The following OPHN1 variants were observed in gnomAD, a reference collection of about 807,000 sequenced individuals.
OPHN1 encodes oligophrenin-1.
A neutral mutation model predicts 60.7 loss-of-function variants in OPHN1; 11 were observed. The observed-to-expected ratio is 0.18, with a 90% CI of 0.11 to 0.30. The LOEUF is 0.30. OPHN1 is among the 10% of genes least tolerant of loss of function. The probability of loss-of-function intolerance (pLI) is 1.00; values close to 1 mark genes in which losing one functional copy is unlikely to be tolerated. For missense variants in OPHN1, 449 were observed against 611.0 expected, an observed-to-expected ratio of 0.73 and a Z score of 2.80; for synonymous variants, 226 against 222.6, an observed-to-expected ratio of 1.02 and a Z score of -0.14.
chrX:68,094,745 T>C (rs2077031804), intron 19 of OPHN1, among the ~76,000 whole-genome samples: 1 of 111,337 alleles, frequency 9.0e-6, no homozygotes, highest in South Asian at 3.8e-4. Context: ...ATCTAGTCTG[T>C]CCCTCTCCAT....
At chrX:68,376,817 C>CT (rs1459223000) in intron 2 of OPHN1, among the ~76,000 whole-genome samples, 3 of 111,538 alleles carry the variant, frequency 2.7e-5, no homozygotes, top group Non-Finnish European at 5.6e-5. Context: ...CCTGGAAAGA[C>CT]TTAAAAGAAC....
intron 2 of OPHN1, among the ~76,000 whole-genome samples, chrX:68,308,181 C>T (rs1024810395): frequency 8.9e-6 from 1 of 112,435 alleles, no homozygotes; most frequent in African/African-American, 3.2e-5. Context: ...CTACTACTTA[C>T]CAGTTACTGT....
chrX:68,045,153 G>C lies in OPHN1; in HGVS notation c.*2019C>G, dbSNP rs1043020337. 1 of 111,254 alleles carries C rather than the reference G, an allele frequency of 9.0e-6. No individual in the cohort carries two copies. The highest frequency in any genetic ancestry group is 3.3e-5 in the African/African-American group (1 of 30,560). The allele number at this position is 111,254 out of a possible 1,213,427, so 9.2% of individuals were successfully genotyped here. A position where few individuals can be genotyped will look rare whatever the true frequency, so the allele number is the denominator to read the frequency against. Reference sequence around the variant, plus strand: ...AGACTACTATTGGGGGCAAGCAGCAGGTGAAATGATGGTCACTTGACTCTT... The same window carrying C: ...AGACTACTATTGGGGGCAAGCAGCACGTGAAATGATGGTCACTTGACTCTT... On this transcript the variant is annotated 3_prime_UTR_variant, in exon 25 of 25. Transcript: ENST00000355520.
chrX:68,428,138 T>C (rs776309883), intron 2 of OPHN1, among the ~76,000 whole-genome samples: 34 of 111,894 alleles, frequency 3.0e-4, no homozygotes, highest in African/African-American at 1.1e-3. Flanking sequence ...TGTCATGCAG[T>C]AGGATAAGCA....
At chrX:68,316,022 G>A (rs1358645025) in intron 2 of OPHN1, among the ~76,000 whole-genome samples, 2 of 110,500 alleles carry the variant, frequency 1.8e-5, no homozygotes, top group East Asian at 2.8e-4. Flanking sequence ...AAAAAAAACA[G>A]GAGTGGTTAT....
In OPHN1 at chrX:68,277,451, GT is replaced by G. The variant is rs1258443483; in HGVS notation, c.313-2643del. On this transcript the variant is annotated intron_variant, in intron 4 of 24. Transcript: ENST00000355520. ...TCAGCCACTAATATTAGAAAAAGTT[GT>G]TATGAAGCAATAGATAATTAGAAAG... 2.7e-5 allele frequency among the ~76,000 whole-genome samples: 3 copies of G among 112,120 alleles called. No individual in the cohort carries two copies. The Admixed American group carries it at 2.8e-4, about 11-fold the overall frequency.
At chrX:68,250,865 T>C (rs5965530) in intron 5 of OPHN1, among the ~76,000 whole-genome samples, 1 of 111,198 alleles carries the variant, frequency 9.0e-6, no homozygotes, top group South Asian at 3.8e-4. Flanking sequence ...CCACTGTGCT[T>C]CTTTCAGGAA....
rs2077338268 is a variant in OPHN1, at chrX:68,162,307, T to C, written c.1276+30612A>G. On this transcript the variant is annotated intron_variant, in intron 15 of 24. Transcript: ENST00000355520. ...AAATGTTCTGTTTTTTATGCTGAGT[T>C]CTTATAGACTCATTATATTATTGAT... Among the ~76,000 whole-genome samples, 3 of 110,664 alleles carry C rather than the reference T, an allele frequency of 2.7e-5. No individual in the cohort carries two copies. The Admixed American group carries it at 2.9e-4, about 11-fold the overall frequency.
intron 2 of OPHN1, among the ~76,000 whole-genome samples, chrX:68,416,605 T>C (rs1488314167): frequency 8.9e-6 from 1 of 111,880 alleles, no homozygotes; most frequent in Non-Finnish European, 1.9e-5. Flanking sequence ...TCTCTGATGA[T>C]GAACACTTTG....
At chrX:68,165,501 G>A (rs887417713) in intron 15 of OPHN1, among the ~76,000 whole-genome samples, 1 of 111,217 alleles carries the variant, frequency 9.0e-6, no homozygotes, top group Admixed American at 9.7e-5. Flanking sequence ...TACAGATTAA[G>A]TTTACCATCT....
intron 15 of OPHN1, among the ~76,000 whole-genome samples, chrX:68,183,639 TTTTAC>T (rs1161501402): frequency 9.1e-6 from 1 of 110,363 alleles, no homozygotes; most frequent in Non-Finnish European, 1.9e-5. Context: ...TTCAAAGTCC[TTTTAC>T]TTTGTCTTGT....
chrX:68,409,555 C>T (rs1343512309), intron 2 of OPHN1, among the ~76,000 whole-genome samples: 2 of 111,480 alleles, frequency 1.8e-5, no homozygotes, highest in African/African-American at 6.5e-5. Context: ...TGGAGATGAT[C>T]CAGAAAGAGG....
At chrX:68,353,420 A>G (rs1210605623) in intron 2 of OPHN1, among the ~76,000 whole-genome samples, 5 of 103,908 alleles carry the variant, frequency 4.8e-5, no homozygotes, top group Admixed American at 2.1e-4. Context: ...AAAAAAAAAA[A>G]AAAAAAAAAA....
In OPHN1 at chrX:68,300,398, T is replaced by A. The variant is rs745937883; in HGVS notation, c.155-1302A>T. Among the ~76,000 whole-genome samples, 30 of 112,804 alleles carry A rather than the reference T, an allele frequency of 2.7e-4. No homozygotes were observed. The South Asian group carries it at 0.01, about 39-fold the overall frequency. On this transcript the variant is annotated intron_variant, in intron 2 of 24. Transcript: ENST00000355520. Reference sequence around the variant, plus strand: ...TTAGCATTTTGTCTTTGTCTCATTTTCAGAAATACTTATTATCAGAATTTT... The same window carrying A: ...TTAGCATTTTGTCTTTGTCTCATTTACAGAAATACTTATTATCAGAATTTT...
chrX:68,200,602 C>T (rs2077531241), intron 11 of OPHN1, among the ~76,000 whole-genome samples: 2 of 111,870 alleles, frequency 1.8e-5, no homozygotes, highest in South Asian at 3.7e-4. Flanking sequence ...CCATTTTTAA[C>T]AAAGAAATGA....
chrX:68,276,134 G>A (rs1388785063), intron 4 of OPHN1, among the ~76,000 whole-genome samples: 1 of 111,691 alleles, frequency 9.0e-6, no homozygotes, highest in East Asian at 2.8e-4. Flanking sequence ...TTTGCTACAA[G>A]CCTAGACTTA....
intron 2 of OPHN1, among the ~76,000 whole-genome samples, chrX:68,317,930 A>G (rs2078217092): frequency 9.0e-6 from 1 of 111,240 alleles, no homozygotes; most frequent in African/African-American, 3.3e-5. Flanking sequence ...AACAAACAAA[A>G]AACTATACAT....
intron 5 of OPHN1, among the ~76,000 whole-genome samples, chrX:68,251,790 A>G (rs761771314): frequency 9.0e-6 from 1 of 111,429 alleles, no homozygotes; most frequent in Non-Finnish European, 1.9e-5. Flanking sequence ...ACTCTCCATC[A>G]GAGTATCTTT....
At position 68,364,464 on chromosome X, in the gene OPHN1, C is replaced by G. The variant is rs780979424; in HGVS notation, c.155-65368G>C. ...TTATTCCCAACAACTTTTCCAATTTCTACAGCCTTAACACCAACTCTAAAT... is the reference window on the plus strand; with the variant it reads ...TTATTCCCAACAACTTTTCCAATTTGTACAGCCTTAACACCAACTCTAAAT... On this transcript the variant is annotated intron_variant, in intron 2 of 24. Transcript: ENST00000355520. Among the ~76,000 whole-genome samples the G allele has an allele frequency of 2.7e-5, 3 of 112,049 alleles. No individual in the cohort carries two copies. In the East Asian group the frequency reaches 8.4e-4, roughly 31 times the overall value.
Sources: gnomAD v4.1 joint callset for allele counts (sites outside exome capture counted in the v4.1 genomes callset) on GRCh38, gnomAD v4.1.1 for gene constraint, MANE v1.5 for transcripts, NCBI Gene and HGNC (gene_info 2026-07-23, HGNC 2026-07-21) for gene names.